CTNNA3: variants seen among roughly 807,000 people sequenced by gnomAD.
CTNNA3 encodes catenin alpha 3.
In CTNNA3, 76 loss-of-function variants were observed where a neutral mutation model predicts 95.7. That is an observed-to-expected ratio of 0.79 (90% confidence interval 0.66 to 0.96). The LOEUF is 0.96. CTNNA3 is among the 40% of genes least tolerant of loss of function. The pLI is 0.00. For synonymous variants in CTNNA3, 431 were observed against 374.4 expected (o/e 1.15, Z -1.74); for missense variants, 1,191 against 1,089.8 (o/e 1.09, Z -1.31).
Position 67,582,181 on chromosome 10 carries a change from T to G in CTNNA3, c.292+24676A>C, listed in dbSNP as rs559581250. On this transcript the variant is annotated intron_variant, in intron 3 of 17. Transcript: ENST00000433211. ...TGTCAATTTTAGGTCTTTCCTGCTTTCTCTCGTGGGCTTTTATTGCTGTAA... is the reference window on the plus strand; with the variant it reads ...TGTCAATTTTAGGTCTTTCCTGCTTGCTCTCGTGGGCTTTTATTGCTGTAA... Among the ~76,000 whole-genome samples, 5 of 140,686 alleles carry G rather than the reference T, an allele frequency of 3.6e-5. No individual in the cohort carries two copies. The East Asian group carries it at 1.0e-3, about 28-fold the overall frequency. 92.3% of individuals were successfully genotyped at this position (140,686 alleles called of 152,430 possible).
At chr10:67,572,186 AT>A (rs1235938121) in intron 3 of CTNNA3, among the ~76,000 whole-genome samples, 9 of 152,170 alleles carry the variant, frequency 5.9e-5, no homozygotes, top group South Asian at 2.1e-4. Flanking sequence ...TAAATATTTG[AT>A]TTTTTTCTAT....
chr10:67,761,595 C>T (rs76136349), intron 1 of CTNNA3, among the ~76,000 whole-genome samples: 2,487 of 152,122 alleles, frequency 0.016, 73 homozygotes, highest in African/African-American at 0.057. Flanking sequence ...AACAGAAACA[C>T]GAGCCGGGCG....
chr10:67,323,959 C>A (rs1841434907), intron 5 of CTNNA3, among the ~76,000 whole-genome samples: 1 of 151,650 alleles, frequency 6.6e-6, no homozygotes, highest in Non-Finnish European at 1.5e-5. Flanking sequence ...TTTATTTTAC[C>A]TTTTTTGTGT....
chr10:65,914,158 T>C lies in CTNNA3; in HGVS notation c.*6172A>G, dbSNP rs1341451771. 1 of 152,146 alleles carries C rather than the reference T, an allele frequency of 6.6e-6. No individual in the cohort carries two copies. Among genetic ancestry groups the C allele is most frequent in the Non-Finnish European group, 1.5e-5 (1 of 68,018 alleles). 9.4% of individuals were successfully genotyped at this position (152,146 alleles called of 1,614,324 possible). On this transcript the variant is annotated 3_prime_UTR_variant, in exon 18 of 18. Coordinates refer to ENST00000433211, the MANE Select transcript of CTNNA3 (RefSeq NM_013266.4). Reference sequence around the variant, plus strand: ...AAGTAGCTTTTGTACATGTTCTAAATTGAAGAAACATTTAGACATAATTGT... The same window carrying C: ...AAGTAGCTTTTGTACATGTTCTAAACTGAAGAAACATTTAGACATAATTGT...
intron 10 of CTNNA3, among the ~76,000 whole-genome samples, chr10:66,530,558 G>A (rs1032471476): frequency 2.6e-5 from 4 of 151,916 alleles, no homozygotes; most frequent in African/African-American, 9.7e-5. Context: ...TCAAATTACG[G>A]CATGTAATAC....
chr10:67,593,575 T>C (rs1045671533), intron 3 of CTNNA3, among the ~76,000 whole-genome samples: 10 of 152,180 alleles, frequency 6.6e-5, no homozygotes, highest in African/African-American at 2.4e-4. Flanking sequence ...TATTGCTGTA[T>C]AGAAATGCTG....
intron 7 of CTNNA3, among the ~76,000 whole-genome samples, chr10:67,039,936 A>C (rs1263636786): frequency 6.6e-6 from 1 of 152,060 alleles, no homozygotes; most frequent in South Asian, 2.1e-4. Context: ...CAACCCACCA[A>C]TCTGTCATAA....
chr10:66,590,986 G>A (rs1843529737), intron 10 of CTNNA3, among the ~76,000 whole-genome samples: 2 of 152,028 alleles, frequency 1.3e-5, no homozygotes, highest in Admixed American at 1.3e-4. Context: ...TTACTGAGTG[G>A]GAGTGGTTTT....
intron 10 of CTNNA3, among the ~76,000 whole-genome samples, chr10:66,565,249 G>C (rs1842670290): frequency 1.3e-5 from 2 of 152,256 alleles, no homozygotes; most frequent in African/African-American, 4.8e-5. Context: ...ATCCAATGGA[G>C]ATACTGAGTT....
intron 12 of CTNNA3, among the ~76,000 whole-genome samples, chr10:66,370,433 CTA>C (rs1243893384): frequency 1.5e-4 from 23 of 152,114 alleles, no homozygotes; most frequent in Admixed American, 1.4e-3. Flanking sequence ...AAAACATACA[CTA>C]TGTTATGGTT....
intron 9 of CTNNA3, among the ~76,000 whole-genome samples, chr10:66,716,023 C>T (rs1848438235): frequency 6.6e-6 from 1 of 151,954 alleles, no homozygotes; most frequent in Non-Finnish European, 1.5e-5. Flanking sequence ...TTCATTAAAG[C>T]TGACATTTTC....
At chr10:66,552,402 T>C (rs894947664) in intron 10 of CTNNA3, among the ~76,000 whole-genome samples, 9 of 152,150 alleles carry the variant, frequency 5.9e-5, no homozygotes, top group African/African-American at 1.9e-4. Flanking sequence ...CAGGAGAGCA[T>C]TTCAAACACA....
intron 5 of CTNNA3, among the ~76,000 whole-genome samples, chr10:67,236,811 A>C (rs1386420770): frequency 6.6e-6 from 1 of 151,980 alleles, no homozygotes; most frequent in Admixed American, 6.6e-5. Context: ...AGCCATAATC[A>C]AAAAATAAAT....
chr10:66,805,880 G>T (rs1178834298), intron 7 of CTNNA3, among the ~76,000 whole-genome samples: 1 of 152,058 alleles, frequency 6.6e-6, no homozygotes, highest in Non-Finnish European at 1.5e-5. Flanking sequence ...AGTGTGAGCA[G>T]CTAGAAAAGT....
intron 7 of CTNNA3, among the ~76,000 whole-genome samples, chr10:66,931,921 C>T (rs940588786): frequency 3.9e-5 from 6 of 152,066 alleles, no homozygotes; most frequent in African/African-American, 1.4e-4. Context: ...TTTTCATCAG[C>T]AAGATACATG....
chr10:67,270,063 C>T (rs1447269007), intron 5 of CTNNA3, among the ~76,000 whole-genome samples: 2 of 151,084 alleles, frequency 1.3e-5, no homozygotes, highest in African/African-American at 2.4e-5. Flanking sequence ...ACCTATAAAT[C>T]GCTCTGAGTA....
At chr10:67,223,246 TA>T (rs1199861293) in intron 5 of CTNNA3, among the ~76,000 whole-genome samples, 2 of 152,214 alleles carry the variant, frequency 1.3e-5, no homozygotes, top group African/African-American at 4.8e-5. Context: ...GGCACACAGA[TA>T]AAAGAGAAAT....
intron 11 of CTNNA3, among the ~76,000 whole-genome samples, chr10:66,417,612 A>G (rs181217316): frequency 6.6e-6 from 1 of 152,206 alleles, no homozygotes; most frequent in Admixed American, 6.5e-5. Context: ...TCTCTAGAAC[A>G]GACCATCTAT....
chr10:67,004,727 T>A (rs1402761362), intron 7 of CTNNA3, among the ~76,000 whole-genome samples: 2 of 152,230 alleles, frequency 1.3e-5, no homozygotes, highest in Non-Finnish European at 1.5e-5. Context: ...AATGCCTTTT[T>A]AACTTATATC....
Sources: allele counts gnomAD v4.1 joint callset (sites outside exome capture counted in the v4.1 genomes callset), GRCh38; gene constraint gnomAD v4.1.1; transcripts MANE v1.5; gene names NCBI Gene and HGNC (gene_info 2026-07-23, HGNC 2026-07-21).